MAZ: variants seen among roughly 807,000 people sequenced by gnomAD.
MAZ encodes the protein MYC associated zinc finger protein.
MAZ carries 4 observed loss-of-function variants against 32.7 expected under a neutral mutation model. The observed-to-expected ratio is 0.12, with a 90% CI of 0.06 to 0.28. The LOEUF (loss-of-function observed/expected upper bound fraction) is 0.28. Among genes scored for constraint, MAZ ranks in the 10% least tolerant of loss-of-function variants. MAZ has a pLI of 1.00. For synonymous variants in MAZ, 510 were observed against 297.6 expected (o/e 1.71, Z -7.35); for missense variants, 763 against 667.2 (o/e 1.14, Z -1.58).
At position 29,810,778 on chromosome 16, in the gene MAZ, AC is replaced by A; in HGVS notation, c.*549del. The A allele has an allele frequency of 2.8e-6, 1 of 361,422 alleles. No individual in the cohort carries two copies. The highest frequency in any genetic ancestry group is 5.3e-6 in the Non-Finnish European group (1 of 189,104). 22.4% of individuals were successfully genotyped at this position (361,422 alleles called of 1,614,324 possible). On this transcript the variant is annotated 3_prime_UTR_variant, in exon 5 of 5. Coordinates refer to ENST00000322945, the MANE Select transcript of MAZ (RefSeq NM_002383.4). ...CAGAAGCAGGGCCGGCAAAGGTTGT[AC>A]CTTCATAAGGTGGTATGGGGGGTTG...
Position 29,807,342 on chromosome 16 carries a change from G to A in MAZ, c.557G>A (p.Ser186Asn), listed in dbSNP as rs767864212. The A allele has an allele frequency of 7.4e-6, 12 of 1,611,484 alleles. No homozygotes were observed. The highest frequency in any genetic ancestry group is 5.5e-5 in the South Asian group (5 of 90,978). Reference sequence around the variant, plus strand: ...TCTGCCTTGGAGAAGAAGACAAAGAGCAAGGGGCCCTACATCTGCGCTCTG... The same window carrying A: ...TCTGCCTTGGAGAAGAAGACAAAGAACAAGGGGCCCTACATCTGCGCTCTG... ...VASALEKKTK[S>N]KGPYICALCA... is the part of the protein sequence containing the mutation. The change falls in exon 2 of 5, where the codon AGC (serine) becomes AAC (asparagine). Residue 186 changes from serine (S) to asparagine (N), a missense_variant. Ser to Asn is a conservative substitution (Grantham distance 46). Coordinates refer to ENST00000322945, the MANE Select transcript of MAZ (RefSeq NM_002383.4).
Position 29,807,220 on chromosome 16 carries a change from C to T in MAZ, c.435C>T (p.Ala145=). 7.8e-7 allele frequency: 1 copy of T among 1,281,326 alleles called. No individual in the cohort carries two copies. Among genetic ancestry groups the T allele is most frequent in the Non-Finnish European group, 9.9e-7 (1 of 1,011,644 alleles). The allele number at this position is 1,281,326 out of a possible 1,614,324, so 79.4% of individuals were successfully genotyped here. A position where few individuals can be genotyped will look rare whatever the true frequency, so the allele number is the denominator to read the frequency against. The change falls in exon 2 of 5, where the codon GCC becomes GCT. Residue 145 remains alanine (A), a synonymous_variant. Transcript: ENST00000322945. The part of the protein sequence containing the change: ...PPPPPVSAPA[A]EAAPPASAAT... ...CCCCGCCAGTGTCGGCGCCCGCGGC[C>T]GAGGCCGCGCCCCCCGCCTCCGCCG...
chr16:29,809,736 C>T (rs1388227516), intron 4 of MAZ: 3 of 1,448,448 alleles, frequency 2.1e-6, no homozygotes, highest in Non-Finnish European at 1.8e-6. Context: ...CACAGCCCAC[C>T]TGCTGAGGGG....
rs1899908450 is a variant in MAZ, at chr16:29,810,726, G to GTT, written c.*495_*496insTT. 2.4e-6 allele frequency: 1 copy of GTT among 412,072 alleles called. No homozygotes were observed. The highest frequency in any genetic ancestry group is 4.5e-6 in the Non-Finnish European group (1 of 220,348). The allele number at this position is 412,072 out of a possible 1,614,324, so 25.5% of individuals were successfully genotyped here. On this transcript the variant is annotated 3_prime_UTR_variant, in exon 5 of 5. Coordinates refer to ENST00000322945, the MANE Select transcript of MAZ (RefSeq NM_002383.4). ...AGGGGGATCAGAGCTGTCCCAAAGA[G>GTT]GGAAAGCGGTGAGGTTTGAGGAGGG...
Position 29,810,254 on chromosome 16 carries a change from G to A in MAZ, c.*23G>A. On this transcript the variant is annotated 3_prime_UTR_variant, in exon 5 of 5. Transcript: ENST00000322945. ...TGAGCTCCAAGTTGGTTGCGGGGGA[G>A]AGGGGAGAATGGAGTAGAGTCCCTT... 3 of 1,565,894 alleles carry A rather than the reference G, an allele frequency of 1.9e-6. No individual in the cohort carries two copies. Among genetic ancestry groups the A allele is most frequent in the Non-Finnish European group, 2.6e-6 (3 of 1,155,138 alleles).
chr16:29,808,560 C>G lies in MAZ; in HGVS notation c.1108-10C>G, dbSNP rs755642636. The G allele has an allele frequency of 6.2e-7, 1 of 1,604,818 alleles. No individual in the cohort carries two copies. Among genetic ancestry groups the G allele is most frequent in the South Asian group, 1.1e-5 (1 of 89,750 alleles). ...CTGTGACACCCCCCACGCCCCTCCC[C>G]CCTCCTCAGAAATGTGAGGCAGCTT... On this transcript the variant is annotated splice_polypyrimidine_tract_variant and intron_variant, in intron 3 of 4. Coordinates refer to ENST00000322945, the MANE Select transcript of MAZ (RefSeq NM_002383.4).
At chr16:29,809,511 C>G in intron 4 of MAZ, 1 of 1,467,282 alleles carries the variant, frequency 6.8e-7, no homozygotes, top group Admixed American at 1.8e-5. Flanking sequence ...TGGCTGACCC[C>G]CGCCCCATCC....
At chr16:29,809,713 G>A (rs1275417849) in intron 4 of MAZ, 5 of 1,482,378 alleles carry the variant, frequency 3.4e-6, no homozygotes, top group African/African-American at 1.4e-5. Flanking sequence ...TGTCCCGGGA[G>A]ACGCCCCCCA....
rs373923095 is a variant in MAZ at position 29,810,823 on chromosome 16, C to T, written c.*592C>T. On this transcript the variant is annotated 3_prime_UTR_variant, in exon 5 of 5. Coordinates refer to ENST00000322945, the MANE Select transcript of MAZ (RefSeq NM_002383.4). ...GGGGTTGGGGTCAGGCCCTGAACATCGTCCTACTTGAGAATCTGTCAGGGG... is the reference window on the plus strand; with the variant it reads ...GGGGTTGGGGTCAGGCCCTGAACATTGTCCTACTTGAGAATCTGTCAGGGG... 11 of 343,602 alleles carry T rather than the reference C, an allele frequency of 3.2e-5. No homozygotes were observed. The highest frequency in any genetic ancestry group is 6.5e-5 in the African/African-American group (3 of 46,150). 21.3% of individuals were successfully genotyped at this position (343,602 alleles called of 1,614,324 possible).
chr16:29,809,297 C>T, intron 4 of MAZ: 3 of 556,100 alleles, frequency 5.4e-6, no homozygotes, highest in Non-Finnish European at 6.3e-6. Context: ...GTCTCCCGGC[C>T]ATGGAGAATG....
chr16:29,809,428 GGGA>G, intron 4 of MAZ: 2 of 707,654 alleles, frequency 2.8e-6, no homozygotes, highest in South Asian at 1.6e-5. Context: ...AGGATACCGT[GGGA>G]GGAGGACAGG....
chr16:29,808,462 T>C (rs1050551685), intron 3 of MAZ, 108 bp from the exon 4 acceptor site: 3 of 1,016,394 alleles, frequency 3.0e-6, no homozygotes, highest in Non-Finnish European at 4.5e-6. Flanking sequence ...TTCCTACAGA[T>C]CAAAGATCCC....
rs772085987 is a variant in MAZ at position 29,808,203 on chromosome 16, C to T, written c.1044-27C>T. ...GGATTTGGGGCGCACCACCTCCGCC[C>T]TAACCCCAACCCCAACGTGTCCCCA... On this transcript the variant is annotated intron_variant, in intron 2 of 4. Coordinates refer to ENST00000322945, the MANE Select transcript of MAZ (RefSeq NM_002383.4). The T allele has an allele frequency of 1.9e-6, 3 of 1,610,168 alleles. No individual in the cohort carries two copies. In the East Asian group the frequency reaches 6.7e-5, roughly 36 times the overall value.
In MAZ at chr16:29,807,289, C is replaced by T. The variant is rs534246223; in HGVS notation, c.504C>T (p.Thr168=). The change falls in exon 2 of 5, where the codon ACC becomes ACT. Residue 168 remains threonine, a synonymous_variant. Transcript: ENST00000322945. ...AAAATAVVAP[T]STVAVAPVAS... is the part of the protein sequence containing the mutation. Reference sequence around the variant, plus strand: ...CGGCCACCGCCGTCGTAGCCCCAACCTCGACGGTCGCCGTGGCCCCGGTCG... The same window carrying T: ...CGGCCACCGCCGTCGTAGCCCCAACTTCGACGGTCGCCGTGGCCCCGGTCG... The T allele has an allele frequency of 3.5e-5, 54 of 1,551,578 alleles. No homozygotes were observed. In the South Asian group the frequency reaches 5.5e-4, roughly 16 times the overall value.
At position 29,807,232 on chromosome 16, in the gene MAZ, C is replaced by A; in HGVS notation, c.447C>A (p.Pro149=). The change falls in exon 2 of 5, where the codon CCC becomes CCA. Residue 149 remains proline (P), a synonymous_variant. Transcript: ENST00000322945. The stretch of plus-strand genomic sequence containing the variant: ...CGGCGCCCGCGGCCGAGGCCGCGCC[C>A]CCCGCCTCCGCCGCCACTATCGCCG... The part of the protein sequence containing the change: ...PVSAPAAEAA[P]PASAATIAAA... 7.3e-7 allele frequency: 1 copy of A among 1,370,946 alleles called. No homozygotes were observed. The highest frequency in any genetic ancestry group is 2.3e-4 in the Middle Eastern group (1 of 4,256). 84.9% of individuals were successfully genotyped at this position (1,370,946 alleles called of 1,614,324 possible). A position where few individuals can be genotyped will look rare whatever the true frequency, so the allele number is the denominator to read the frequency against.
At chr16:29,808,842 C>T (rs756435281) in intron 4 of MAZ, 101 bp downstream of exon 4, 38 of 1,223,866 alleles carry the variant, frequency 3.1e-5, no homozygotes, top group Non-Finnish European at 3.9e-5. Context: ...GCCAAGAGCT[C>T]GTGGCGTCTA....
chr16:29,807,967 G>C, intron 2 of MAZ, 139 bp downstream of exon 2: 1 of 1,428,808 alleles, frequency 7.0e-7, no homozygotes, highest in Non-Finnish European at 9.3e-7. Context: ...GAGGGAGGAA[G>C]CCTCTCCCGG....
At chr16:29,809,341 C>G in intron 4 of MAZ, 1 of 583,508 alleles carries the variant, frequency 1.7e-6, no homozygotes, top group Non-Finnish European at 3.0e-6. Context: ...GAAGCGGGCA[C>G]CACACAAGCC....
At chr16:29,808,043 G>T (rs1270958938) in intron 2 of MAZ, 187 bp from the exon 3 acceptor site, 1 of 1,066,264 alleles carries the variant, frequency 9.4e-7, no homozygotes, top group Admixed American at 2.4e-5. Context: ...GAAGCTTCGC[G>T]TGGGAGGAGG....
Sources: gnomAD v4.1 joint callset for allele counts on GRCh38, gnomAD v4.1.1 for gene constraint, MANE v1.5 for transcripts, NCBI Gene and HGNC (gene_info 2026-07-23, HGNC 2026-07-21) for gene names.